DPF3: variants seen among roughly 807,000 people sequenced by gnomAD.
DPF3 encodes double PHD fingers 3.
DPF3 carries 18 observed loss-of-function variants against 56.8 expected under a neutral mutation model. The ratio of observed to expected loss-of-function variants is 0.32; its 90% CI spans 0.22 to 0.47. The LOEUF is 0.47. Among genes scored for constraint, DPF3 ranks in the 20% least tolerant of loss-of-function variants. The pLI is 1.00. For missense variants in DPF3, 403 were observed against 488.8 expected, an observed-to-expected ratio of 0.82 and a Z score of 1.65; for synonymous variants, 188 against 180.2, an observed-to-expected ratio of 1.04 and a Z score of -0.35.
At chr14:72,674,002 A>G (rs565085940) in intron 8 of DPF3, 60 of 509,326 alleles carry the variant, frequency 1.2e-4, no homozygotes, top group African/African-American at 1.1e-3. Context: ...CCTCATGGAA[A>G]GGCCAGACAC....
intron 1 of DPF3, chr14:72,892,176 C>G (rs1567273181): frequency 6.5e-7 from 1 of 1,535,388 alleles, no homozygotes; most frequent in Non-Finnish European, 8.7e-7. Flanking sequence ...GGTTCTCTAA[C>G]TTGAGTTTAC....
At chr14:72,678,321 G>A (rs776754463) in intron 7 of DPF3, among the ~76,000 whole-genome samples, 5 of 152,076 alleles carry the variant, frequency 3.3e-5, no homozygotes, top group Non-Finnish European at 5.9e-5. Context: ...AACCTGATTC[G>A]CCCAATATGA....
chr14:72,853,047 GTA>G (rs989156081), intron 1 of DPF3, among the ~76,000 whole-genome samples: 25 of 151,600 alleles, frequency 1.6e-4, no homozygotes, highest in East Asian at 9.7e-4. Flanking sequence ...GTGTGTGTGT[GTA>G]TGTGTGTGTG....
At chr14:72,740,145 C>T (rs77564512) in intron 3 of DPF3, among the ~76,000 whole-genome samples, 2 of 152,142 alleles carry the variant, frequency 1.3e-5, no homozygotes, top group Non-Finnish European at 2.9e-5. Flanking sequence ...CTGAAGCCGG[C>T]CCATCTGCCT....
At chr14:72,778,804 A>T in intron 1 of DPF3, among the ~76,000 whole-genome samples, 1 of 152,128 alleles carries the variant, frequency 6.6e-6, no homozygotes, top group East Asian at 1.9e-4. Context: ...TTCCTTCCAC[A>T]TTTTTTCTTC....
At chr14:72,724,691 G>T (rs1889321029) in intron 4 of DPF3, among the ~76,000 whole-genome samples, 1 of 144,732 alleles carries the variant, frequency 6.9e-6, no homozygotes, top group African/African-American at 2.6e-5. Context: ...ATGTCAGGGG[G>T]CCCAGAGGGG....
chr14:72,892,188 A>G, intron 1 of DPF3: 1 of 1,535,480 alleles, frequency 6.5e-7, no homozygotes, highest in Non-Finnish European at 8.7e-7. Context: ...TGAGTTTACC[A>G]GGTGGCATCA....
chr14:72,776,431 A>G (rs1891746455), intron 1 of DPF3, among the ~76,000 whole-genome samples: 1 of 152,112 alleles, frequency 6.6e-6, no homozygotes, highest in Non-Finnish European at 1.5e-5. Context: ...TGAATTGAGA[A>G]GCCAGCCCAG....
At chr14:72,673,760 C>G (rs1886790418) in intron 8 of DPF3, among the ~76,000 whole-genome samples, 2 of 152,112 alleles carry the variant, frequency 1.3e-5, no homozygotes, top group African/African-American at 4.8e-5. Flanking sequence ...TGCAGCTAGC[C>G]AGGAGCCCGG....
At chr14:72,754,318 A>T (rs1407674440) in intron 2 of DPF3, among the ~76,000 whole-genome samples, 2 of 152,094 alleles carry the variant, frequency 1.3e-5, no homozygotes, top group African/African-American at 4.8e-5. Context: ...TCCTGAAGAG[A>T]GTGTCTGATA....
chr14:72,723,791 G>T, intron 4 of DPF3, 63 bp from the exon 5 acceptor site: 1 of 1,462,764 alleles, frequency 6.8e-7, no homozygotes. Context: ...AACCATCAGA[G>T]AGTAATTTTA....
At chr14:72,685,644 G>C (rs1025633102) in intron 7 of DPF3, among the ~76,000 whole-genome samples, 2 of 152,208 alleles carry the variant, frequency 1.3e-5, no homozygotes, top group Non-Finnish European at 2.9e-5. Flanking sequence ...GTGCCTTGCT[G>C]TCCTCTGGGG....
chr14:72,861,619 C>T (rs559898050), intron 1 of DPF3, among the ~76,000 whole-genome samples: 144 of 151,808 alleles, frequency 9.5e-4, no homozygotes, highest in Non-Finnish European at 1.7e-3. Flanking sequence ...TTGGCTAATC[C>T]TAACAAAGAC....
chr14:72,833,489 G>A (rs1192934718), intron 1 of DPF3, among the ~76,000 whole-genome samples: 1 of 152,144 alleles, frequency 6.6e-6, no homozygotes, highest in Non-Finnish European at 1.5e-5. Context: ...GTACGGGGAT[G>A]GATGCCAAGG....
chr14:72,727,636 T>C (rs1166563607), intron 4 of DPF3, among the ~76,000 whole-genome samples: 1 of 152,044 alleles, frequency 6.6e-6, no homozygotes, highest in Admixed American at 6.6e-5. Flanking sequence ...TGAATCTTCA[T>C]ACTGTTTGTT....
rs1338248781 is a variant in DPF3, at chr14:72,617,889, C to T, written c.*1408G>A. ...GAGAAGCCAAGCATGCGCGAGGGTTCCGCTCACCGAGACCTGCCCTTTGGG... is the reference window on the plus strand; with the variant it reads ...GAGAAGCCAAGCATGCGCGAGGGTTTCGCTCACCGAGACCTGCCCTTTGGG... On this transcript the variant is annotated 3_prime_UTR_variant, in exon 11 of 11. Transcript: ENST00000556509. Among the ~76,000 whole-genome samples, 1 of 151,852 alleles carries T rather than the reference C, an allele frequency of 6.6e-6. No homozygotes were observed. Among genetic ancestry groups the T allele is most frequent in the Non-Finnish European group, 1.5e-5 (1 of 67,940 alleles).
chr14:72,612,666 A>G lies in DPF3; in HGVS notation c.*6631T>C, dbSNP rs1034698075. On this transcript the variant is annotated 3_prime_UTR_variant, in exon 11 of 11. Coordinates refer to ENST00000556509, the MANE Select transcript of DPF3 (RefSeq NM_001280542.3). Reference sequence around the variant, plus strand: ...ACATGGAAGGGCAAACCAAGTCCGTATAAACCACAAACCCCATTCTAGCCA... The same window carrying G: ...ACATGGAAGGGCAAACCAAGTCCGTGTAAACCACAAACCCCATTCTAGCCA... The G allele has an allele frequency of 2.0e-6, 1 of 512,338 alleles. No homozygotes were observed. The highest frequency in any genetic ancestry group is 3.9e-6 in the Non-Finnish European group (1 of 255,144). 31.7% of individuals were successfully genotyped at this position (512,338 alleles called of 1,614,324 possible). A position where few individuals can be genotyped will look rare whatever the true frequency, so the allele number is the denominator to read the frequency against.
intron 3 of DPF3, among the ~76,000 whole-genome samples, chr14:72,748,759 G>T (rs766370512): frequency 6.6e-6 from 1 of 152,246 alleles, no homozygotes; most frequent in Non-Finnish European, 1.5e-5. Flanking sequence ...TAGAGCTCAG[G>T]CTGTGGCTTC....
chr14:72,773,022 A>G (rs1315506135), intron 1 of DPF3, among the ~76,000 whole-genome samples: 3 of 152,090 alleles, frequency 2.0e-5, no homozygotes, highest in Non-Finnish European at 4.4e-5. Context: ...TTTTGGTTCT[A>G]TGTAGATTTC....
Sources: gnomAD v4.1 joint callset for allele counts (sites outside exome capture counted in the v4.1 genomes callset) on GRCh38, gnomAD v4.1.1 for gene constraint, MANE v1.5 for transcripts, NCBI Gene and HGNC (gene_info 2026-07-23, HGNC 2026-07-21) for gene names.